The following NCK1 variants were observed in gnomAD, a reference collection of about 807,000 sequenced individuals.
NCK1 encodes the protein NCK adaptor protein 1.
Under a neutral mutation model 36.6 loss-of-function variants are expected in NCK1, and 19 were observed. The ratio of observed to expected loss-of-function variants is 0.52; its 90% CI spans 0.36 to 0.76. The LOEUF is 0.76. Ranked by LOEUF, NCK1 falls within the 30% of genes least tolerant of loss-of-function variation. The pLI is 0.00. For missense variants in NCK1, 358 were observed against 445.6 expected (o/e 0.80, Z 1.77); for synonymous variants, 165 against 156.0 (o/e 1.06, Z -0.43).
intron 1 of NCK1, among the ~76,000 whole-genome samples, chr3:136,902,203 GT>G (rs1560041433): frequency 9.0e-5 from 7 of 77,946 alleles, no homozygotes; most frequent in Admixed American, 1.3e-4. Flanking sequence ...TTTTTTTTTT[GT>G]TTTTGTTTTT....
intron 2 of NCK1, among the ~76,000 whole-genome samples, chr3:136,938,034 C>T (rs1940579105): frequency 6.6e-6 from 1 of 152,070 alleles, no homozygotes; most frequent in African/African-American, 2.4e-5. Flanking sequence ...ATGTCAGCTC[C>T]ACAGTTTTTT....
chr3:136,908,137 T>C (rs144153967), intron 1 of NCK1, among the ~76,000 whole-genome samples: 2 of 152,296 alleles, frequency 1.3e-5, no homozygotes, highest in African/African-American at 4.8e-5. Flanking sequence ...ATGATAAATA[T>C]GATTTTCAGG....
intron 1 of NCK1, among the ~76,000 whole-genome samples, chr3:136,877,041 AAGG>A (rs923639485): frequency 1.3e-5 from 2 of 152,182 alleles, no homozygotes; most frequent in African/African-American, 4.8e-5. Context: ...ACAAAACTAA[AAGG>A]AGAATTAGAC....
intron 1 of NCK1, among the ~76,000 whole-genome samples, chr3:136,919,782 C>CT (rs1940059433): frequency 6.6e-6 from 1 of 151,834 alleles, no homozygotes; most frequent in Admixed American, 6.6e-5. Context: ...TAAATATGAC[C>CT]TTTTTTGGCA....
At chr3:136,929,786 A>G (rs985729148) in intron 2 of NCK1, among the ~76,000 whole-genome samples, 1 of 152,214 alleles carries the variant, frequency 6.6e-6, no homozygotes, top group Admixed American at 6.5e-5. Context: ...TTAACAAAAT[A>G]TAGTGAAAAA....
intron 2 of NCK1, among the ~76,000 whole-genome samples, chr3:136,929,075 C>G (rs1940327744): frequency 6.6e-6 from 1 of 152,000 alleles, no homozygotes; most frequent in Non-Finnish European, 1.5e-5. Flanking sequence ...TGACTCACTA[C>G]TTTACATTAG....
intron 1 of NCK1, among the ~76,000 whole-genome samples, chr3:136,924,951 G>A (rs943311443): frequency 1.3e-5 from 2 of 152,094 alleles, no homozygotes; most frequent in African/African-American, 4.8e-5. Flanking sequence ...TTTTTAATCT[G>A]TTAGTGCTTA....
intron 1 of NCK1, among the ~76,000 whole-genome samples, chr3:136,868,057 A>G (rs1391906783): frequency 6.6e-6 from 1 of 151,966 alleles, no homozygotes. Context: ...AGCTGGGATC[A>G]CAGGCACCTG....
intron 1 of NCK1, among the ~76,000 whole-genome samples, chr3:136,889,651 T>C (rs1399037012): frequency 1.3e-5 from 2 of 152,088 alleles, no homozygotes; most frequent in Non-Finnish European, 2.9e-5. Flanking sequence ...AGGGCACTGA[T>C]TGGTGCGTTT....
chr3:136,908,376 T>TAA (rs1939741318), intron 1 of NCK1, among the ~76,000 whole-genome samples: 1 of 152,210 alleles, frequency 6.6e-6, no homozygotes, highest in East Asian at 1.9e-4. Flanking sequence ...TTTTAAAAGA[T>TAA]AAAGCCTTGT....
At chr3:136,908,241 A>T (rs184824856) in intron 1 of NCK1, among the ~76,000 whole-genome samples, 1 of 152,234 alleles carries the variant, frequency 6.6e-6, no homozygotes, top group South Asian at 2.1e-4. Context: ...TCATATTAAC[A>T]TTCCTTCACC....
chr3:136,893,185 T>TACACACACACACACACACACACACACC (rs1560038396), intron 1 of NCK1, among the ~76,000 whole-genome samples: 1 of 19,514 alleles, frequency 5.1e-5, no homozygotes. Context: ...TGTGTATATA[T>TACACACACACACACACACACACACACC]ATATATACAC....
chr3:136,869,128 T>C (rs1938533602), intron 1 of NCK1, among the ~76,000 whole-genome samples: 1 of 151,654 alleles, frequency 6.6e-6, no homozygotes, highest in Admixed American at 6.6e-5. Context: ...TAGTCCCAGC[T>C]ACCCGGGAGG....
At position 136,864,418 on chromosome 3, in the gene NCK1, G is replaced by A. The variant is rs1053648984; in HGVS notation, c.-19+2065G>A. Reference sequence around the variant, plus strand: ...AGGCAGGAGAATTGCATGAACCCGGGAGTCGGAGGTTGCAGTGAGCCAAGA... The same window carrying A: ...AGGCAGGAGAATTGCATGAACCCGGAAGTCGGAGGTTGCAGTGAGCCAAGA... On this transcript the variant is annotated intron_variant, in intron 1 of 3. Transcript: ENST00000481752. Among the ~76,000 whole-genome samples the A allele has an allele frequency of 6.6e-5, 10 of 152,118 alleles. No individual in the cohort carries two copies. The East Asian group carries it at 1.9e-3, about 30-fold the overall frequency.
At chr3:136,881,515 C>T (rs757791563) in intron 1 of NCK1, among the ~76,000 whole-genome samples, 1 of 152,172 alleles carries the variant, frequency 6.6e-6, no homozygotes, top group Non-Finnish European at 1.5e-5. Flanking sequence ...CCACGCCCAG[C>T]TTCTATTTTT....
chr3:136,887,576 A>G (rs1160692980), intron 1 of NCK1, among the ~76,000 whole-genome samples: 1 of 152,208 alleles, frequency 6.6e-6, no homozygotes, highest in African/African-American at 2.4e-5. Flanking sequence ...TGCCAGTTAC[A>G]TATAATTGGT....
chr3:136,935,203 C>T (rs1382570092), intron 2 of NCK1, among the ~76,000 whole-genome samples: 1 of 152,008 alleles, frequency 6.6e-6, no homozygotes, highest in Non-Finnish European at 1.5e-5. Flanking sequence ...CTGGGCCATT[C>T]TTTTTTTGAC....
intron 1 of NCK1, among the ~76,000 whole-genome samples, chr3:136,879,767 A>G (rs1198319212): frequency 6.6e-6 from 1 of 152,060 alleles, no homozygotes; most frequent in Non-Finnish European, 1.5e-5. Context: ...AGGACGGAAA[A>G]CCAAACACTG....
intron 1 of NCK1, among the ~76,000 whole-genome samples, chr3:136,920,476 C>T (rs1275547720): frequency 6.6e-6 from 1 of 151,932 alleles, no homozygotes; most frequent in Non-Finnish European, 1.5e-5. Context: ...GAAAGATAAG[C>T]AAAAAGTTTG....
Sources: allele counts gnomAD v4.1 joint callset (sites outside exome capture counted in the v4.1 genomes callset), GRCh38; gene constraint gnomAD v4.1.1; transcripts MANE v1.5; gene names NCBI Gene and HGNC (gene_info 2026-07-23, HGNC 2026-07-21).